Variants in MAP4 observed in about 807,000 individuals in gnomAD.
MAP4 encodes microtubule-associated protein 4.
A neutral mutation model predicts 170.2 loss-of-function variants in MAP4; 76 were observed. The ratio of observed to expected loss-of-function variants is 0.45; its 90% CI spans 0.37 to 0.54. The LOEUF (loss-of-function observed/expected upper bound fraction) is 0.54, where lower values mean the gene tolerates loss of function less well. Among genes scored for constraint, MAP4 ranks in the 20% least tolerant of loss-of-function variants. MAP4 has a pLI of 0.00. For synonymous variants in MAP4, 909 were observed against 994.5 expected (o/e 0.91, Z 1.62); for missense variants, 2,506 against 2,748.0 (o/e 0.91, Z 1.97).
intron 3 of MAP4, among the ~76,000 whole-genome samples, chr3:47,970,093 G>A (rs1387860037): frequency 6.6e-6 from 1 of 152,150 alleles, no homozygotes; most frequent in African/African-American, 2.4e-5. Context: ...CCACTCTTGT[G>A]CCCTGGGGCC....
chr3:47,897,724 G>T (rs902091603), intron 10 of MAP4, among the ~76,000 whole-genome samples: 91 of 152,042 alleles, frequency 6.0e-4, no homozygotes, highest in Non-Finnish European at 8.8e-4. Flanking sequence ...GGATCACAAG[G>T]TCAGGAGTTC....
At chr3:47,885,926 C>T (rs1195026688) in intron 10 of MAP4, among the ~76,000 whole-genome samples, 2 of 152,112 alleles carry the variant, frequency 1.3e-5, no homozygotes, top group Non-Finnish European at 2.9e-5. Flanking sequence ...GTTGGGGTTT[C>T]GCTGTGTTAG....
At position 48,081,724 on chromosome 3, in the gene MAP4, G is replaced by GTA. The variant is rs760188299; in HGVS notation, c.-20+7047_-20+7048dup. 2.8e-4 allele frequency among the ~76,000 whole-genome samples: 43 copies of GTA among 151,418 alleles called. 1 individual carries two copies. The highest frequency in any genetic ancestry group is 5.3e-4 in the Admixed American group (8 of 15,172). ...AGTAAACGAAGATATGTGTGGGTCA[G>GTA]TATATATATATATTACTTCCTAACT... On this transcript the variant is annotated intron_variant, in intron 1 of 18. Transcript: ENST00000360240.
intron 9 of MAP4, among the ~76,000 whole-genome samples, chr3:47,905,687 A>C (rs1282585949): frequency 3.2e-5 from 4 of 126,754 alleles, no homozygotes; most frequent in Non-Finnish European, 6.4e-5. Flanking sequence ...TACATGAAGA[A>C]GTCACTAAAA....
In MAP4 at chr3:47,919,541, C is replaced by T. The variant is rs371653821; in HGVS notation, c.530-700G>A. ...GCCAGATTGGTCTCGAACTCCTGAC[C>T]TCATGATCCACCCGCCTTGGCCTCC... On this transcript the variant is annotated intron_variant, in intron 5 of 20. Transcript: ENST00000683076. 4.2e-3 allele frequency among the ~76,000 whole-genome samples: 644 copies of T among 152,070 alleles called. 5 individuals carry two copies. The highest frequency in any genetic ancestry group is 0.014 in the African/African-American group (587 of 41,460).
intron 1 of MAP4, among the ~76,000 whole-genome samples, chr3:48,050,132 C>CA (rs2100126868): frequency 1.4e-5 from 2 of 147,380 alleles, no homozygotes; most frequent in South Asian, 4.4e-4. Flanking sequence ...TGGTGGCACA[C>CA]ACCTGTAATC....
At chr3:48,023,833 C>A (rs1438733400) in intron 1 of MAP4, among the ~76,000 whole-genome samples, 2 of 152,066 alleles carry the variant, frequency 1.3e-5, no homozygotes, top group Admixed American at 6.6e-5. Context: ...ACAAAAATAA[C>A]AAATATACTC....
intron 3 of MAP4, among the ~76,000 whole-genome samples, chr3:47,964,629 C>T (rs1338442716): frequency 5.3e-5 from 8 of 152,106 alleles, no homozygotes; most frequent in African/African-American, 1.9e-4. Flanking sequence ...CTCACTCAAC[C>T]CCCTCATGGA....
intron 3 of MAP4, chr3:47,975,431 G>C: frequency 6.4e-7 from 1 of 1,566,926 alleles, no homozygotes; most frequent in Non-Finnish European, 8.7e-7. Context: ...GTCTGGTGTT[G>C]CAGCAGCCCC....
upstream of MAP4, among the ~76,000 whole-genome samples, chr3:48,020,202 A>G (rs912513341): frequency 6.6e-6 from 1 of 152,082 alleles, no homozygotes; most frequent in African/African-American, 2.4e-5. Flanking sequence ...TTGTTTATTT[A>G]CAATGTGTGT....
chr3:47,996,737 GACACACAC>G (rs57673370), intron 2 of MAP4, among the ~76,000 whole-genome samples: 67 of 146,532 alleles, frequency 4.6e-4, no homozygotes, highest in Non-Finnish European at 6.5e-4. Flanking sequence ...CAAAAACTAA[GACACACAC>G]ACACACACAC....
intron 3 of MAP4, among the ~76,000 whole-genome samples, chr3:47,967,210 C>T (rs2100075637): frequency 6.6e-6 from 1 of 152,074 alleles, no homozygotes; most frequent in African/African-American, 2.4e-5. Flanking sequence ...GTGGCACATG[C>T]CTGTAATCCC....
At chr3:47,853,011 G>A (rs925088873) in intron 20 of MAP4, 73 bp from the exon 21 acceptor site, 2 of 1,614,098 alleles carry the variant, frequency 1.2e-6, no homozygotes, top group African/African-American at 2.7e-5. Context: ...GGAGACGGAA[G>A]ACGAGACCAG....
At position 47,926,435 on chromosome 3, in the gene MAP4, C is replaced by T. The variant is rs577890360; in HGVS notation, c.415+1793G>A. Among the ~76,000 whole-genome samples the T allele has an allele frequency of 3.9e-3, 597 of 152,228 alleles. 4 individuals are homozygous for T. The highest frequency in any genetic ancestry group is 0.013 in the African/African-American group (538 of 41,532). ...CTGACCTCAGGTGATCCGCCTGCCT[C>T]GGCCTCCCAAAGTGCTGGGATTACA... On this transcript the variant is annotated intron_variant, in intron 4 of 20. Coordinates refer to ENST00000683076, the MANE Select transcript of MAP4 (RefSeq NM_001385682.1).
At chr3:48,012,806 C>G (rs1294023124) in intron 1 of MAP4, among the ~76,000 whole-genome samples, 1 of 152,150 alleles carries the variant, frequency 6.6e-6, no homozygotes, top group Non-Finnish European at 1.5e-5. Flanking sequence ...GCTATGAGCA[C>G]ATCTAGCTAG....
chr3:47,859,016 G>A (rs2061431344), intron 17 of MAP4, among the ~76,000 whole-genome samples: 1 of 151,970 alleles, frequency 6.6e-6, no homozygotes, highest in Non-Finnish European at 1.5e-5. Flanking sequence ...TGTAGTCCCA[G>A]TACTCGGGAG....
At chr3:48,003,380 G>A (rs1348653125) in intron 1 of MAP4, among the ~76,000 whole-genome samples, 1 of 150,600 alleles carries the variant, frequency 6.6e-6, no homozygotes, top group African/African-American at 2.4e-5. Flanking sequence ...CTTGAACCCA[G>A]GAGGTGGAGG....
At chr3:48,080,703 G>A (rs1235658436) in intron 1 of MAP4, among the ~76,000 whole-genome samples, 4 of 152,094 alleles carry the variant, frequency 2.6e-5, no homozygotes, top group Admixed American at 6.6e-5. Context: ...TAAATAGGCC[G>A]GGTGCAGTGG....
intron 3 of MAP4, among the ~76,000 whole-genome samples, chr3:47,937,138 G>A (rs2100053436): frequency 6.6e-6 from 1 of 151,788 alleles, no homozygotes; most frequent in African/African-American, 2.4e-5. Context: ...AATTTCTGAA[G>A]CCCATTTTAA....
Sources: gnomAD v4.1 joint callset for allele counts (sites outside exome capture counted in the v4.1 genomes callset) on GRCh38, gnomAD v4.1.1 for gene constraint, MANE v1.5 for transcripts, NCBI Gene and HGNC (gene_info 2026-07-23, HGNC 2026-07-21) for gene names.